DRC11: variants seen among roughly 807,000 people sequenced by gnomAD.
DRC11 encodes the protein IQ and AAA domain-containing protein 1.
chr2:236,357,375 T>C, the DRC11 span, among the ~76,000 whole-genome samples: 1 of 105,024 alleles, frequency 9.5e-6, no homozygotes, highest in South Asian at 2.6e-4. Flanking sequence ...TAAATATATT[T>C]ATATAGTATA....
At chr2:236,353,993 C>T in the DRC11 span, among the ~76,000 whole-genome samples, 778 of 152,252 alleles carry the variant, frequency 5.1e-3, 6 homozygotes, top group Non-Finnish European at 8.6e-3. This position sits in a 1 kb window ranked among gnomAD's most constrained non-coding sequence, Gnocchi z 5.0. Flanking sequence ...GAGGTTACTT[C>T]AAGTCCTCAC....
chr2:236,451,922 A>G, the DRC11 span, among the ~76,000 whole-genome samples: 1 of 152,190 alleles, frequency 6.6e-6, no homozygotes, highest in African/African-American at 2.4e-5. Flanking sequence ...TTAGTTATTT[A>G]AAAATAAGTA....
the DRC11 span, chr2:236,331,495 A>G: frequency 1.9e-6 from 3 of 1,613,962 alleles, no homozygotes; most frequent in Non-Finnish European, 2.5e-6. This position sits in a 1 kb window ranked among gnomAD's most constrained non-coding sequence, Gnocchi z 4.8. Flanking sequence ...CACTTCGACT[A>G]TATGTCCTTG....
At chr2:236,380,621 C>T in the DRC11 span, 1 of 1,550,544 alleles carries the variant, frequency 6.4e-7, no homozygotes, top group Non-Finnish European at 8.7e-7. The surrounding 1 kb of genome is among the most constrained non-coding windows in gnomAD (Gnocchi z 4.9). Flanking sequence ...TTCTTTTTGC[C>T]TTTCTTTCCT....
At chr2:236,500,700 G>T in the DRC11 span, among the ~76,000 whole-genome samples, 70 of 152,214 alleles carry the variant, frequency 4.6e-4, no homozygotes, top group African/African-American at 1.6e-3. This position sits in a 1 kb window ranked among gnomAD's most constrained non-coding sequence, Gnocchi z 6.3. Flanking sequence ...CTGAGACTGG[G>T]TTATTTATTT....
At chr2:236,342,775 G>T in the DRC11 span, among the ~76,000 whole-genome samples, 1 of 152,170 alleles carries the variant, frequency 6.6e-6, no homozygotes, top group Admixed American at 6.5e-5. The surrounding 1 kb of genome is among the most constrained non-coding windows in gnomAD (Gnocchi z 5.8). Context: ...CTGAGTCTGG[G>T]GTGGCTCAGG....
chr2:236,324,602 G>T, the DRC11 span: 1 of 785,228 alleles, frequency 1.3e-6, no homozygotes, highest in Non-Finnish European at 2.1e-6. This position sits in a 1 kb window ranked among gnomAD's most constrained non-coding sequence, Gnocchi z 5.7. Context: ...TCTTTGGCGA[G>T]TTGGGGTCCT....
chr2:236,442,249 G>C, the DRC11 span, among the ~76,000 whole-genome samples: 10 of 152,294 alleles, frequency 6.6e-5, no homozygotes, highest in African/African-American at 2.2e-4. Context: ...AAACTAGCGA[G>C]AAGAGTGTCA....
chr2:236,406,049 G>C, the DRC11 span, among the ~76,000 whole-genome samples: 2 of 152,266 alleles, frequency 1.3e-5, no homozygotes, highest in South Asian at 2.1e-4. The surrounding 1 kb of genome is among the most constrained non-coding windows in gnomAD (Gnocchi z 4.7). Flanking sequence ...ACCATTTTTC[G>C]TAAGTTTCCG....
chr2:236,435,020 T>G, the DRC11 span, among the ~76,000 whole-genome samples: 1 of 152,290 alleles, frequency 6.6e-6, no homozygotes, highest in East Asian at 1.9e-4. Context: ...GGAGGAGTCC[T>G]CTAGAGGGCT....
the DRC11 span, among the ~76,000 whole-genome samples, chr2:236,493,170 C>T: frequency 6.6e-6 from 1 of 152,154 alleles, no homozygotes; most frequent in African/African-American, 2.4e-5. Flanking sequence ...GGGAAACTCC[C>T]CTTTATAAAA....
chr2:236,416,721 T>TTATATATATATATATATATATATATATA, the DRC11 span, among the ~76,000 whole-genome samples: 4 of 64,244 alleles, frequency 6.2e-5, no homozygotes, highest in Non-Finnish European at 1.2e-4. Flanking sequence ...ATATATATAT[T>TTATATATATATATATATATATATATATA]TATATATATA....
At chr2:236,318,389 T>C in the DRC11 span, among the ~76,000 whole-genome samples, 2 of 152,082 alleles carry the variant, frequency 1.3e-5, no homozygotes, top group African/African-American at 4.8e-5. This position sits in a 1 kb window ranked among gnomAD's most constrained non-coding sequence, Gnocchi z 7.0. Flanking sequence ...GAGGAAATAA[T>C]GGCAGCTGTG....
chr2:236,400,375 C>T, the DRC11 span, among the ~76,000 whole-genome samples: 2 of 152,120 alleles, frequency 1.3e-5, no homozygotes, highest in Admixed American at 6.5e-5. The surrounding 1 kb of genome is among the most constrained non-coding windows in gnomAD (Gnocchi z 7.9). Context: ...TGCTACCCGC[C>T]GCCAGCCCAG....
chr2:236,349,437 G>A, the DRC11 span, among the ~76,000 whole-genome samples: 1 of 152,126 alleles, frequency 6.6e-6, no homozygotes, highest in African/African-American at 2.4e-5. This position sits in a 1 kb window ranked among gnomAD's most constrained non-coding sequence, Gnocchi z 5.5. Context: ...CTCAGTTTTA[G>A]AACTGAATCC....
the DRC11 span, among the ~76,000 whole-genome samples, chr2:236,406,338 T>C: frequency 6.6e-6 from 1 of 152,248 alleles, no homozygotes; most frequent in East Asian, 1.9e-4. This position sits in a 1 kb window ranked among gnomAD's most constrained non-coding sequence, Gnocchi z 4.7. Context: ...GAGGTTTTGT[T>C]GAAAATTTTC....
At chr2:236,405,784 A>G in the DRC11 span, among the ~76,000 whole-genome samples, 1 of 152,136 alleles carries the variant, frequency 6.6e-6, no homozygotes, top group African/African-American at 2.4e-5. The surrounding 1 kb of genome is among the most constrained non-coding windows in gnomAD (Gnocchi z 4.6). Flanking sequence ...ACTTTTTCCT[A>G]TACAGAAACA....
the DRC11 span, among the ~76,000 whole-genome samples, chr2:236,398,029 G>T: frequency 6.6e-6 from 1 of 152,208 alleles, no homozygotes; most frequent in African/African-American, 2.4e-5. The surrounding 1 kb of genome is among the most constrained non-coding windows in gnomAD (Gnocchi z 6.2). Context: ...GGATTCTTAA[G>T]CTTGGATGAC....
the DRC11 span, among the ~76,000 whole-genome samples, chr2:236,491,213 C>T: frequency 9.8e-3 from 320 of 32,562 alleles, 1 homozygote; most frequent in East Asian, 0.032. Flanking sequence ...TATATATATA[C>T]ACACAGTATA....
Sources: allele counts gnomAD v4.1 joint callset (sites outside exome capture counted in the v4.1 genomes callset), GRCh38; gene constraint gnomAD v4.1.1; non-coding constraint Gnocchi (gnomAD v3.1); transcripts MANE v1.5; gene names NCBI Gene and HGNC (gene_info 2026-07-23, HGNC 2026-07-21).